XXYLT1: variants seen among roughly 807,000 people sequenced by gnomAD.
XXYLT1 encodes UDP-xylose:alpha-xyloside alpha-1,3-xylosyltransferase.
In XXYLT1, 20 loss-of-function variants were observed where a neutral mutation model predicts 28.9. The ratio of observed to expected loss-of-function variants is 0.69; its 90% confidence interval spans 0.49 to 1.00. The LOEUF is 1.00. Ranked by LOEUF, XXYLT1 falls within the 50% of genes least tolerant of loss-of-function variation. XXYLT1 has a pLI of 0.00. For synonymous variants in XXYLT1, 257 were observed against 253.8 expected (o/e 1.01, Z -0.12); for missense variants, 542 against 560.1 (o/e 0.97, Z 0.33).
At chr3:195,259,326 T>C (rs1725593694) in intron 1 of XXYLT1, among the ~76,000 whole-genome samples, 1 of 152,260 alleles carries the variant, frequency 6.6e-6, no homozygotes, top group Non-Finnish European at 1.5e-5. Context: ...AGGCAAGTAG[T>C]TAGAGTGGCC....
intron 3 of XXYLT1, among the ~76,000 whole-genome samples, chr3:195,146,340 T>C (rs1481149183): frequency 6.6e-6 from 1 of 152,248 alleles, no homozygotes; most frequent in Non-Finnish European, 1.5e-5. Context: ...GGATTACAAA[T>C]AAGGTTCTTT....
intron 2 of XXYLT1, among the ~76,000 whole-genome samples, chr3:195,188,653 C>G (rs1438301868): frequency 1.3e-5 from 2 of 152,214 alleles, no homozygotes; most frequent in Non-Finnish European, 2.9e-5. Flanking sequence ...CAAGAACCCT[C>G]TTGGGCTAAG....
In XXYLT1 at chr3:195,246,812, A is replaced by G. The variant is rs745446309; in HGVS notation, c.505-19956T>C. On this transcript the variant is annotated intron_variant, in intron 1 of 3. Coordinates refer to ENST00000310380, the MANE Select transcript of XXYLT1 (RefSeq NM_152531.5). ...AGGCTGAGGGGTTCCACAAGCATAA[A>G]TCCAGGATTTCTTTAACACGGTCTA... is the stretch of plus-strand genomic sequence containing the variant. 3.0e-4 allele frequency among the ~76,000 whole-genome samples: 46 copies of G among 152,238 alleles called. 1 individual carries two copies. Among genetic ancestry groups the G allele is most frequent in the Non-Finnish European group, 5.1e-4 (35 of 68,018 alleles).
intron 2 of XXYLT1, among the ~76,000 whole-genome samples, chr3:195,204,893 T>C (rs1440661094): frequency 6.6e-6 from 1 of 152,190 alleles, no homozygotes; most frequent in Non-Finnish European, 1.5e-5. Context: ...TAGACCCAGC[T>C]GGGGACAGTT....
At chr3:195,138,531 C>G (rs956383474) in intron 3 of XXYLT1, among the ~76,000 whole-genome samples, 5 of 152,148 alleles carry the variant, frequency 3.3e-5, no homozygotes, top group Non-Finnish European at 7.3e-5. Context: ...AGCATCTCAC[C>G]TGTGCCTCGA....
At position 195,107,551 on chromosome 3, in the gene XXYLT1, G is replaced by A. The variant is rs1374607968; in HGVS notation, c.786-37440C>T. On this transcript the variant is annotated intron_variant, in intron 3 of 3. Coordinates refer to ENST00000310380, the MANE Select transcript of XXYLT1 (RefSeq NM_152531.5). The stretch of plus-strand genomic sequence containing the variant: ...AAGGAGGAGGAGGGGGAGGAGGAGG[G>A]GGAAGAGGGGGAGAGGAGGAGGGGG... Among the ~76,000 whole-genome samples, 11 of 8,528 alleles carry A rather than the reference G, an allele frequency of 1.3e-3. 1 individual carries two copies. Among genetic ancestry groups the A allele is most frequent in the Non-Finnish European group, 1.7e-3 (6 of 3,570 alleles). 5.6% of individuals were successfully genotyped at this position (8,528 alleles called of 152,430 possible). A position where few individuals can be genotyped will look rare whatever the true frequency, so the allele number is the denominator to read the frequency against.
intron 1 of XXYLT1, among the ~76,000 whole-genome samples, chr3:195,241,196 G>C (rs556643376): frequency 1.8e-4 from 27 of 152,300 alleles, no homozygotes; most frequent in African/African-American, 6.0e-4. Context: ...CTTGAAGCAA[G>C]GGCAGGTGCC....
chr3:195,072,876 C>G (rs1258196975), intron 3 of XXYLT1, among the ~76,000 whole-genome samples: 1 of 152,186 alleles, frequency 6.6e-6, no homozygotes, highest in Non-Finnish European at 1.5e-5. Context: ...ATCGCATCAG[C>G]CTCGGGGTAG....
At chr3:195,220,479 C>A (rs1280205453) in intron 2 of XXYLT1, among the ~76,000 whole-genome samples, 1 of 152,156 alleles carries the variant, frequency 6.6e-6, no homozygotes, top group Non-Finnish European at 1.5e-5. Flanking sequence ...CATAGGGCCT[C>A]TTTTAAATAA....
chr3:195,231,512 G>A (rs1724297734), intron 1 of XXYLT1, among the ~76,000 whole-genome samples: 1 of 152,104 alleles, frequency 6.6e-6, no homozygotes, highest in Non-Finnish European at 1.5e-5. Context: ...ATTATTTGCT[G>A]TGGGCCTGTT....
intron 3 of XXYLT1, among the ~76,000 whole-genome samples, chr3:195,138,102 G>C (rs1223447807): frequency 6.6e-6 from 1 of 152,200 alleles, no homozygotes; most frequent in Non-Finnish European, 1.5e-5. Flanking sequence ...CAACCTCAAT[G>C]ACAGAAACTT....
At chr3:195,171,794 A>G (rs915048058) in intron 2 of XXYLT1, among the ~76,000 whole-genome samples, 5 of 152,246 alleles carry the variant, frequency 3.3e-5, no homozygotes, top group Non-Finnish European at 7.3e-5. Flanking sequence ...TTCTAGTCCA[A>G]TATCAAGAGA....
intron 2 of XXYLT1, among the ~76,000 whole-genome samples, chr3:195,179,840 G>A (rs1427346708): frequency 6.6e-6 from 1 of 152,134 alleles, no homozygotes; most frequent in East Asian, 1.9e-4. Context: ...AATTAACAAA[G>A]GATTTCCTAA....
chr3:195,150,857 CACA>C lies in XXYLT1; in HGVS notation c.785+5589_785+5591del, dbSNP rs1720189212. Among the ~76,000 whole-genome samples the C allele has an allele frequency of 6.7e-6, 1 of 150,190 alleles. No homozygotes were observed. The highest frequency in any genetic ancestry group is 2.5e-5 in the African/African-American group (1 of 40,590). Reference sequence around the variant, plus strand: ...ACGCACACTCTCTCACACACTCTCACACACACACACACTCTCTCCCTCTCCCTC... The same window carrying C: ...ACGCACACTCTCTCACACACTCTCACCACACACACTCTCTCCCTCTCCCTC... On this transcript the variant is annotated intron_variant, in intron 3 of 3. Coordinates refer to ENST00000310380, the MANE Select transcript of XXYLT1 (RefSeq NM_152531.5). This position sits in a 1 kb window ranked among gnomAD's most constrained non-coding sequence, Gnocchi z 4.7.
intron 2 of XXYLT1, among the ~76,000 whole-genome samples, chr3:195,163,942 G>A (rs1295343411): frequency 6.6e-6 from 1 of 152,258 alleles, no homozygotes; most frequent in Non-Finnish European, 1.5e-5. Flanking sequence ...GAGGCAGACT[G>A]TTTAAGCATC....
chr3:195,166,312 G>A (rs1176351552), intron 2 of XXYLT1, among the ~76,000 whole-genome samples: 4 of 151,978 alleles, frequency 2.6e-5, no homozygotes, highest in Admixed American at 6.6e-5. Flanking sequence ...TAACATTTGA[G>A]TTATTTTAAT....
intron 3 of XXYLT1, among the ~76,000 whole-genome samples, chr3:195,089,779 C>A (rs1404833276): frequency 6.6e-6 from 1 of 150,534 alleles, no homozygotes; most frequent in East Asian, 2.0e-4. Context: ...ATTCAGGAAA[C>A]CCATCTCACA....
At chr3:195,201,997 A>G (rs569973621) in intron 2 of XXYLT1, among the ~76,000 whole-genome samples, 1 of 152,062 alleles carries the variant, frequency 6.6e-6, no homozygotes, top group Admixed American at 6.6e-5. Context: ...ACCAACATGG[A>G]GAAACCCCGT....
chr3:195,143,886 A>AT (rs1158940851), intron 3 of XXYLT1, among the ~76,000 whole-genome samples: 5 of 116,846 alleles, frequency 4.3e-5, no homozygotes, highest in East Asian at 4.1e-4. Flanking sequence ...ATATATATAT[A>AT]TATTTATTTT....
Sources: gnomAD v4.1 joint callset for allele counts (sites outside exome capture counted in the v4.1 genomes callset) on GRCh38, gnomAD v4.1.1 for gene constraint, Gnocchi (gnomAD v3.1) non-coding constraint, MANE v1.5 for transcripts, NCBI Gene and HGNC (gene_info 2026-07-23, HGNC 2026-07-21) for gene names.